Variants in EVL observed in about 807,000 individuals in gnomAD.
EVL encodes the protein ena/VASP-like protein.
Under a neutral mutation model 59.6 loss-of-function variants are expected in EVL, and 21 were observed. The observed-to-expected ratio is 0.35, with a 90% confidence interval of 0.25 to 0.51. EVL has a LOEUF of 0.51. Ranked by LOEUF, EVL falls within the 20% of genes least tolerant of loss-of-function variation. The pLI is 0.97. For synonymous variants in EVL, 198 were observed against 203.5 expected, an observed-to-expected ratio of 0.97 and a Z score of 0.23; for missense variants, 462 against 546.6, an observed-to-expected ratio of 0.85 and a Z score of 1.54.
chr14:100,003,605 C>T (rs752862937), intron 1 of EVL, among the ~76,000 whole-genome samples: 69 of 151,848 alleles, frequency 4.5e-4, no homozygotes, highest in Non-Finnish European at 7.8e-4. Context: ...TTAGTAGAGA[C>T]GGGGTTTCAC....
chr14:100,140,968 G>T lies in EVL; in HGVS notation c.1095-212G>T, dbSNP rs566991023. 1.6e-5 allele frequency: 8 copies of T among 504,190 alleles called. No homozygotes were observed. In the South Asian group the frequency reaches 2.4e-4, roughly 15 times the overall value. 31.2% of individuals were successfully genotyped at this position (504,190 alleles called of 1,614,324 possible). A position where few individuals can be genotyped will look rare whatever the true frequency, so the allele number is the denominator to read the frequency against. The stretch of plus-strand genomic sequence containing the variant: ...CCAGCCAGCCTTGGCTCTCGGGTTG[G>T]GAAATACAGTCACGGTATCCATGGA... On this transcript the variant is annotated intron_variant, in intron 11 of 13. Transcript: ENST00000392920.
At chr14:100,124,759 T>C (rs112690276) in intron 4 of EVL, among the ~76,000 whole-genome samples, 1 of 152,232 alleles carries the variant, frequency 6.6e-6, no homozygotes, top group African/African-American at 2.4e-5. Flanking sequence ...ACTTCATTTC[T>C]CTCGAAACTG....
chr14:99,975,575 A>G (rs1478523911), intron 1 of EVL, among the ~76,000 whole-genome samples: 1 of 152,196 alleles, frequency 6.6e-6, no homozygotes, highest in African/African-American at 2.4e-5. Context: ...TAGTTTCCAG[A>G]TAAAACTGTT....
intron 3 of EVL, chr14:100,107,653 G>T: frequency 1.1e-5 from 2 of 176,800 alleles, no homozygotes; most frequent in Non-Finnish European, 2.3e-5. Flanking sequence ...TGAGTAACTG[G>T]ATTTTGACTG....
At chr14:99,992,773 T>A (rs1595548113) in intron 1 of EVL, among the ~76,000 whole-genome samples, 1 of 152,340 alleles carries the variant, frequency 6.6e-6, no homozygotes, top group East Asian at 1.9e-4. Context: ...TTTCTTCTGA[T>A]CTTAGGGGAA....
intron 8 of EVL, chr14:100,135,549 G>A (rs1018061787): frequency 4.9e-5 from 13 of 265,898 alleles, no homozygotes; most frequent in Non-Finnish European, 9.6e-5. Flanking sequence ...GGGGGAGCAG[G>A]CCAGTCCACG....
chr14:100,085,766 T>C (rs1223422069), intron 2 of EVL, among the ~76,000 whole-genome samples: 2 of 152,142 alleles, frequency 1.3e-5, no homozygotes, highest in Non-Finnish European at 2.9e-5. Context: ...TTAATCGAAA[T>C]AGCCCTATTA....
chr14:100,115,242 A>G (rs1887261052), intron 3 of EVL, among the ~76,000 whole-genome samples: 1 of 152,156 alleles, frequency 6.6e-6, no homozygotes, highest in Non-Finnish European at 1.5e-5. Context: ...GGGCCCAAAC[A>G]GTGGGGGTGG....
intron 3 of EVL, among the ~76,000 whole-genome samples, chr14:100,100,003 C>CAA (rs34709493): frequency 0.017 from 350 of 21,204 alleles, 54 homozygotes; most frequent in African/African-American, 0.038. Context: ...ACCTTGGGGG[C>CAA]AAAAAAAAAA....
chr14:100,133,432 G>T (rs1024960818), intron 8 of EVL, among the ~76,000 whole-genome samples: 1 of 152,242 alleles, frequency 6.6e-6, no homozygotes, highest in African/African-American at 2.4e-5. Context: ...CCTCAGTGCA[G>T]AATCAGAGAG....
At chr14:100,044,658 A>G (rs940061498) in intron 1 of EVL, among the ~76,000 whole-genome samples, 1 of 152,178 alleles carries the variant, frequency 6.6e-6, no homozygotes, top group African/African-American at 2.4e-5. Context: ...GTGGGTATCT[A>G]ATTCCCAGGC....
At position 100,097,628 on chromosome 14, in the gene EVL, G is replaced by T. The variant is rs141682899; in HGVS notation, c.328G>T (p.Ala110Ser). The T allele has an allele frequency of 3.2e-5, 52 of 1,612,954 alleles. No homozygotes were observed. The highest frequency in any genetic ancestry group is 4.4e-5 in the Non-Finnish European group (52 of 1,179,592). ...ATTFSNAMLF[A>S]LNIMNSQEGG... ...CACGTTCTCCAATGCAATGCTGTTTGCCCTGAACATCATGAATTCCCAAGA... is the reference window on the plus strand; with the variant it reads ...CACGTTCTCCAATGCAATGCTGTTTTCCCTGAACATCATGAATTCCCAAGA... The change falls in exon 3 of 14, where the codon GCC (alanine) becomes TCC (serine). Residue 110 changes from alanine (A) to serine (S), a missense_variant. By Grantham distance (99) the Ala-to-Ser change is moderately conservative. Transcript: ENST00000392920.
intron 1 of EVL, among the ~76,000 whole-genome samples, chr14:99,992,364 A>T (rs114144423): frequency 1.3e-4 from 20 of 152,090 alleles, no homozygotes; most frequent in African/African-American, 4.6e-4. Context: ...TTTACCATAT[A>T]TGTGATTTGC....
intron 1 of EVL, among the ~76,000 whole-genome samples, chr14:99,990,010 C>T (rs2060865241): frequency 6.6e-6 from 1 of 152,198 alleles, no homozygotes; most frequent in South Asian, 2.1e-4. Context: ...TAATCCAAAA[C>T]AACACCCAAG....
At chr14:100,015,164 A>T (rs1271326334) in intron 1 of EVL, among the ~76,000 whole-genome samples, 1 of 152,242 alleles carries the variant, frequency 6.6e-6, no homozygotes, top group Non-Finnish European at 1.5e-5. Flanking sequence ...TCCACGGGAC[A>T]TCAGGGCCTT....
chr14:100,030,329 C>T (rs537494230), intron 1 of EVL, among the ~76,000 whole-genome samples: 5 of 152,002 alleles, frequency 3.3e-5, no homozygotes, highest in East Asian at 1.9e-4. Context: ...CTCAAACTCC[C>T]GACCTCAGGT....
At position 100,114,826 on chromosome 14, in the gene EVL, C is replaced by T. The variant is rs1459071456; in HGVS notation, c.359-8713C>T. Reference sequence around the variant, plus strand: ...GGGGTGGGAGTGCTGGATCTTGGGGCGAGTATCTGCCACTGACCAATTACA... The same window carrying T: ...GGGGTGGGAGTGCTGGATCTTGGGGTGAGTATCTGCCACTGACCAATTACA... On this transcript the variant is annotated intron_variant, in intron 3 of 13. Transcript: ENST00000392920. This position sits in a 1 kb window ranked among gnomAD's most constrained non-coding sequence, Gnocchi z 5.0. Among the ~76,000 whole-genome samples the T allele has an allele frequency of 2.6e-5, 4 of 152,058 alleles. No individual in the cohort carries two copies. Among genetic ancestry groups the T allele is most frequent in the South Asian group, 2.1e-4 (1 of 4,828 alleles).
intron 1 of EVL, among the ~76,000 whole-genome samples, chr14:100,037,192 G>T (rs1289502316): frequency 6.6e-6 from 1 of 152,212 alleles, no homozygotes. Flanking sequence ...GAAGAAGAAG[G>T]TGAGGGGACT....
At chr14:100,138,649 A>G (rs1344180587) in intron 11 of EVL, 1 of 152,678 alleles carries the variant, frequency 6.5e-6, no homozygotes, top group Non-Finnish European at 1.5e-5. Context: ...GGTTTGTCCA[A>G]GGCTTGTGGT....
Sources: allele counts gnomAD v4.1 joint callset (sites outside exome capture counted in the v4.1 genomes callset), GRCh38; gene constraint gnomAD v4.1.1; non-coding constraint Gnocchi (gnomAD v3.1); transcripts MANE v1.5; gene names NCBI Gene and HGNC (gene_info 2026-07-23, HGNC 2026-07-21).